GLI3: variants seen among roughly 807,000 people sequenced by gnomAD.
The protein encoded by GLI3 is GLI family zinc finger 3, also known as transcription activator GLI3.
A neutral mutation model predicts 100.8 loss-of-function variants in GLI3; 20 were observed. The ratio of observed to expected loss-of-function variants is 0.20; its 90% CI spans 0.14 to 0.29. GLI3 has a LOEUF of 0.29. Ranked by LOEUF, GLI3 falls within the 10% of genes least tolerant of loss-of-function variation. The pLI is 1.00. For missense variants in GLI3, 2,040 were observed against 2,128.5 expected, an observed-to-expected ratio of 0.96 and a Z score of 0.82; for synonymous variants, 938 against 860.5, an observed-to-expected ratio of 1.09 and a Z score of -1.58.
intron 2 of GLI3, among the ~76,000 whole-genome samples, chr7:42,174,606 C>G (rs926915263): frequency 6.6e-6 from 1 of 152,194 alleles, no homozygotes; most frequent in African/African-American, 2.4e-5. Flanking sequence ...GGTCGCTCTT[C>G]CCTGACACAC....
At position 42,040,205 on chromosome 7, in the gene GLI3, C is replaced by A. The variant is rs141589946; in HGVS notation, c.861G>T (p.Arg287Ser). Residue 287 changes from arginine (R) to serine (S), a missense_variant, in exon 7 of 15, where the codon AGG becomes AGT. This residue lies in a region of GLI3 where 603 missense variants were observed against 690.9 expected (regional missense o/e 0.87). Transcript: ENST00000395925. ...TGGACAGTGTACGTTTTCGGCTCGGCCTGGCTGACAGCCTGGGGCTGGAGA... is the reference window on the plus strand; with the variant it reads ...TGGACAGTGTACGTTTTCGGCTCGGACTGGCTGACAGCCTGGGGCTGGAGA... Reference protein sequence around the residue: ...TRFSSPRLSARPSRKRTLSIS... With the variant: ...TRFSSPRLSASPSRKRTLSIS... 1.2e-6 allele frequency: 2 copies of A among 1,613,870 alleles called. No individual in the cohort carries two copies. The highest frequency in any genetic ancestry group is 2.7e-5 in the African/African-American group (2 of 74,898).
chr7:42,133,313 T>C (rs920875318), intron 3 of GLI3, among the ~76,000 whole-genome samples: 5 of 152,232 alleles, frequency 3.3e-5, no homozygotes, highest in African/African-American at 1.2e-4. Flanking sequence ...TGGTCTCAGA[T>C]ATCATTAGCT....
At chr7:42,176,497 T>A (rs1237537479) in intron 2 of GLI3, among the ~76,000 whole-genome samples, 2 of 152,144 alleles carry the variant, frequency 1.3e-5, no homozygotes, top group African/African-American at 4.8e-5. Context: ...AAGACATGAA[T>A]TCATGCAAAC....
intron 4 of GLI3, among the ~76,000 whole-genome samples, chr7:42,065,988 T>C (rs957379156): frequency 2.2e-4 from 33 of 152,316 alleles, no homozygotes; most frequent in African/African-American, 7.9e-4. Context: ...AGCACTCTGC[T>C]TGGCAGAGAC....
At chr7:42,023,261 T>C (rs1298003677) in intron 10 of GLI3, among the ~76,000 whole-genome samples, 1 of 152,206 alleles carries the variant, frequency 6.6e-6, no homozygotes, top group African/African-American at 2.4e-5. Flanking sequence ...TTGAAGACTT[T>C]ATTGAATTTT....
rs114615136 is a variant in GLI3, at chr7:41,963,589, T to C, written c.*741A>G. 12,828 of 152,250 alleles carry C rather than the reference T, an allele frequency of 0.084. 574 individuals are homozygous for C. Among genetic ancestry groups the C allele is most frequent in the African/African-American group, 0.11 (4,409 of 41,514 alleles). The allele number at this position is 152,250 out of a possible 1,614,324, so 9.4% of individuals were successfully genotyped here. ...GAGAGGCAAATGTGATAACTGAGAA[T>C]CGACCATACAGACATAGCCTCCCCC... On this transcript the variant is annotated 3_prime_UTR_variant, in exon 15 of 15. Transcript: ENST00000395925.
At chr7:42,002,615 A>C (rs976371714) in intron 10 of GLI3, among the ~76,000 whole-genome samples, 18 of 152,230 alleles carry the variant, frequency 1.2e-4, no homozygotes, top group African/African-American at 4.1e-4. Flanking sequence ...TGACCACAGA[A>C]TATCATATAT....
chr7:42,133,397 A>G (rs1238002141), intron 3 of GLI3, among the ~76,000 whole-genome samples: 1 of 152,180 alleles, frequency 6.6e-6, no homozygotes, highest in Non-Finnish European at 1.5e-5. Flanking sequence ...ATTTACTTCC[A>G]AAACCCAGAC....
intron 1 of GLI3, among the ~76,000 whole-genome samples, chr7:42,261,988 CTTTCTTTCTTTCT>C (rs1195949112): frequency 1.4e-5 from 2 of 138,134 alleles, no homozygotes; most frequent in Admixed American, 7.9e-5. Flanking sequence ...CTCTTTCTTT[CTTTCTTTCTTTCT>C]TTTCTTTCTT....
intron 4 of GLI3, among the ~76,000 whole-genome samples, chr7:42,062,414 T>C (rs2086468056): frequency 6.6e-6 from 1 of 152,182 alleles, no homozygotes; most frequent in Admixed American, 6.5e-5. Flanking sequence ...ATGTCCTCTC[T>C]GGGCCACTGT....
At chr7:42,175,983 C>A (rs9886332) in intron 2 of GLI3, among the ~76,000 whole-genome samples, 3 of 152,068 alleles carry the variant, frequency 2.0e-5, no homozygotes, top group Non-Finnish European at 2.9e-5. Context: ...CCACAGCCCA[C>A]GCACATAACT....
At chr7:42,182,664 A>ATATATATATATACATGTGTG (rs1787629217) in intron 2 of GLI3, among the ~76,000 whole-genome samples, 23 of 78,306 alleles carry the variant, frequency 2.9e-4, no homozygotes, top group African/African-American at 1.4e-3. Context: ...ATATATATAT[A>ATATATATATATACATGTGTG]TATATATATA....
At chr7:42,037,187 C>T (rs949576132) in intron 7 of GLI3, among the ~76,000 whole-genome samples, 14 of 152,246 alleles carry the variant, frequency 9.2e-5, no homozygotes, top group African/African-American at 2.6e-4. Context: ...TGCCAAATAG[C>T]TGTGACGTGA....
At chr7:42,162,598 G>A (rs1255914493) in intron 2 of GLI3, among the ~76,000 whole-genome samples, 2 of 152,110 alleles carry the variant, frequency 1.3e-5, no homozygotes, top group South Asian at 2.1e-4. Context: ...TGATGAAAAC[G>A]GCAAACGAAA....
rs1477526070 is a variant in GLI3 at position 41,964,070 on chromosome 7, T to G, written c.*260A>C. 5 of 298,004 alleles carry G rather than the reference T, an allele frequency of 1.7e-5. No homozygotes were observed. In the East Asian group the frequency reaches 2.8e-4, roughly 17 times the overall value. The allele number at this position is 298,004 out of a possible 1,614,324, so 18.5% of individuals were successfully genotyped here. A position where few individuals can be genotyped will look rare whatever the true frequency, so the allele number is the denominator to read the frequency against. ...AAAGGGGGCGGGGCTTACAGTTTTTTTTTTTTTTTTTAAAAAGAGGGTGGT... is the reference window on the plus strand; with the variant it reads ...AAAGGGGGCGGGGCTTACAGTTTTTGTTTTTTTTTTTAAAAAGAGGGTGGT... On this transcript the variant is annotated 3_prime_UTR_variant, in exon 15 of 15. Transcript: ENST00000395925.
At chr7:42,144,514 G>A (rs1786654891) in intron 3 of GLI3, among the ~76,000 whole-genome samples, 1 of 152,044 alleles carries the variant, frequency 6.6e-6, no homozygotes, top group Admixed American at 6.5e-5. Flanking sequence ...TGTTTGAAGT[G>A]CCCGCTGTCC....
chr7:42,114,779 G>A (rs1157007307), intron 3 of GLI3, among the ~76,000 whole-genome samples: 2 of 152,018 alleles, frequency 1.3e-5, no homozygotes, highest in African/African-American at 4.8e-5. Flanking sequence ...TCGGCTCACT[G>A]CAACCTCCGC....
At chr7:42,126,055 A>C (rs1786119462) in intron 3 of GLI3, among the ~76,000 whole-genome samples, 1 of 152,106 alleles carries the variant, frequency 6.6e-6, no homozygotes, top group Non-Finnish European at 1.5e-5. Context: ...TTTTAAAAAA[A>C]TGAGAGAGAA....
chr7:42,062,534 A>G (rs1386562037), intron 4 of GLI3, among the ~76,000 whole-genome samples: 1 of 152,106 alleles, frequency 6.6e-6, no homozygotes, highest in East Asian at 1.9e-4. Context: ...TAGCCTTGCA[A>G]AAGGTTCAGT....
Sources: allele counts gnomAD v4.1 joint callset (sites outside exome capture counted in the v4.1 genomes callset), GRCh38; gene constraint gnomAD v4.1.1; regional missense constraint gnomAD v4.1.1; transcripts MANE v1.5; gene names NCBI Gene and HGNC (gene_info 2026-07-23, HGNC 2026-07-21).